MS4A8: variants seen among roughly 807,000 people sequenced by gnomAD.
MS4A8 encodes membrane spanning 4-domains A8.
MS4A8 carries 27 observed loss-of-function variants against 23.7 expected under a neutral mutation model. The ratio of observed to expected loss-of-function variants is 1.14; its 90% CI spans 0.84 to 1.57. The LOEUF (loss-of-function observed/expected upper bound fraction) is 1.57. Among genes scored for constraint, MS4A8 ranks in the 40% most tolerant of loss-of-function variants. The pLI is 0.00. For synonymous variants in MS4A8, 138 were observed against 126.3 expected (o/e 1.09, Z -0.62); for missense variants, 301 against 311.4 (o/e 0.97, Z 0.25).
At position 60,703,374 on chromosome 11, in the gene MS4A8, A is replaced by G; in HGVS notation, c.220-4A>G. On this transcript the variant is annotated splice_region_variant and splice_polypyrimidine_tract_variant and intron_variant, in intron 2 of 6. Transcript: ENST00000300226. Reference sequence around the variant, plus strand: ...AAGACTTCAGCTTGTGGCTCTCCTGACAGGCCATCCAGATCATCATTGGCC... The same window carrying G: ...AAGACTTCAGCTTGTGGCTCTCCTGGCAGGCCATCCAGATCATCATTGGCC... The G allele has an allele frequency of 6.4e-7, 1 of 1,554,588 alleles. No homozygotes were observed.
In MS4A8 at chr11:60,715,339, A is replaced by G. The variant is rs2088334750; in HGVS notation, c.678A>G (p.Ala226=). The G allele has an allele frequency of 6.2e-7, 1 of 1,613,994 alleles. No individual in the cohort carries two copies. Among genetic ancestry groups the G allele is most frequent in the Non-Finnish European group, 8.5e-7 (1 of 1,180,022 alleles). Residue 226 remains alanine, a synonymous_variant, in exon 7 of 7, where the codon GCA becomes GCG. Coordinates refer to ENST00000300226, the MANE Select transcript of MS4A8 (RefSeq NM_031457.2). ...GTGTCATCTATCCAAACATCTATGC[A>G]GCAAACCCAGTGATCACCCCAGAAC... The part of the protein sequence containing the change: ...NVSVIYPNIY[A]ANPVITPEPV...
At chr11:60,710,190 A>G (rs1369464645) in intron 5 of MS4A8, among the ~76,000 whole-genome samples, 1 of 152,076 alleles carries the variant, frequency 6.6e-6, no homozygotes, top group East Asian at 1.9e-4. Context: ...TCATTTGTCT[A>G]TCTCATTTAG....
Position 60,715,023 on chromosome 11 carries a change from C to G in MS4A8, c.537C>G (p.Asn179Lys), listed in dbSNP as rs752227539. The change falls in exon 6 of 7, where the codon AAC (asparagine) becomes AAG (lysine). Residue 179 changes from asparagine (N) to lysine (K), a missense_variant and splice_region_variant. Coordinates refer to ENST00000300226, the MANE Select transcript of MS4A8 (RefSeq NM_031457.2). ...PDYYPYAWGV[N>K]PGMAISGVLL... ...CTCCCCATCTGCTCTGCCTACAGAACCCTGGAATGGCGATTTCTGGCGTGC... is the reference window on the plus strand; with the variant it reads ...CTCCCCATCTGCTCTGCCTACAGAAGCCTGGAATGGCGATTTCTGGCGTGC... 6.2e-7 allele frequency: 1 copy of G among 1,613,272 alleles called. No individual in the cohort carries two copies. Among genetic ancestry groups the G allele is most frequent in the Non-Finnish European group, 8.5e-7 (1 of 1,179,262 alleles).
At position 60,713,927 on chromosome 11, in the gene MS4A8, T is replaced by C. The variant is rs1188293943; in HGVS notation, c.535-1094T>C. Reference sequence around the variant, plus strand: ...GATGACTCTTTTTTTTTTTTTTTTTTTTTTTTTTGAGACGGAGTCTCGCTC... The same window carrying C: ...GATGACTCTTTTTTTTTTTTTTTTTCTTTTTTTTGAGACGGAGTCTCGCTC... On this transcript the variant is annotated intron_variant, in intron 5 of 6. Transcript: ENST00000300226. 7.7e-4 allele frequency among the ~76,000 whole-genome samples: 103 copies of C among 134,030 alleles called. 3 individuals are homozygous for C. Among genetic ancestry groups the C allele is most frequent in the African/African-American group, 2.9e-3 (89 of 30,494 alleles). The allele number at this position is 134,030 out of a possible 152,430, so 87.9% of individuals were successfully genotyped here.
chr11:60,715,096 C>G lies in MS4A8; in HGVS notation c.610C>G (p.His204Asp), dbSNP rs1219833252. ...GTTTGGCATCGCATGCGCATCTTCC[C>G]ACTTTGGCTGCCAGTTGGTCTGCTG... ...LEFGIACASS[H>D]FGCQLVCCQS... is the part of the protein sequence containing the mutation. Residue 204 changes from histidine to aspartate, a missense_variant, in exon 6 of 7, where the codon CAC becomes GAC. Physicochemically the swap from His to Asp is moderately conservative, Grantham distance 81 (BLOSUM62 -1). Transcript: ENST00000300226. 6.2e-7 allele frequency: 1 copy of G among 1,614,096 alleles called. No individual in the cohort carries two copies. Among genetic ancestry groups the G allele is most frequent in the Non-Finnish European group, 8.5e-7 (1 of 1,179,998 alleles).
intron 3 of MS4A8, among the ~76,000 whole-genome samples, chr11:60,703,979 T>A (rs1408563708): frequency 6.6e-6 from 1 of 152,130 alleles, no homozygotes; most frequent in Non-Finnish European, 1.5e-5. Flanking sequence ...ACAGTCAGAT[T>A]CTGGAGCACT....
rs1417245840 is a variant in MS4A8, at chr11:60,715,650, A to G, written c.*236A>G. ...AAGAGGGACTCCCTAGGGCACATGCATCAGCACATATGTGGGCATCCAGCC... is the reference window on the plus strand; with the variant it reads ...AAGAGGGACTCCCTAGGGCACATGCGTCAGCACATATGTGGGCATCCAGCC... On this transcript the variant is annotated 3_prime_UTR_variant, in exon 7 of 7. Coordinates refer to ENST00000300226, the MANE Select transcript of MS4A8 (RefSeq NM_031457.2). 2.5e-5 allele frequency: 13 copies of G among 514,522 alleles called. No individual in the cohort carries two copies. The highest frequency in any genetic ancestry group is 2.4e-4 in the South Asian group (11 of 46,698). 31.9% of individuals were successfully genotyped at this position (514,522 alleles called of 1,614,324 possible).
intron 5 of MS4A8, among the ~76,000 whole-genome samples, chr11:60,709,668 G>A (rs1256832405): frequency 3.3e-5 from 5 of 152,168 alleles, no homozygotes; most frequent in African/African-American, 4.8e-5. Flanking sequence ...TGTGTCCCAC[G>A]TAAATTCAAT....
intron 5 of MS4A8, among the ~76,000 whole-genome samples, chr11:60,713,698 T>G (rs961713180): frequency 6.6e-6 from 1 of 152,026 alleles, no homozygotes; most frequent in Non-Finnish European, 1.5e-5. Flanking sequence ...TTACTAATCC[T>G]CCTCAGCACA....
At chr11:60,711,975 C>T (rs1474017240) in intron 5 of MS4A8, 11 of 270,776 alleles carry the variant, frequency 4.1e-5, no homozygotes, top group African/African-American at 1.6e-4. Flanking sequence ...GGAGATACTC[C>T]GGGGTTTCCA....
rs1031354406 is a variant in MS4A8 at position 60,713,730 on chromosome 11, TG to T, written c.535-1286del. ...CACAGACCCTTTACGGGTGTTGGGC[TG>T]GGGGACGGTCAGGTCTTTCCCATCC... is the stretch of plus-strand genomic sequence containing the variant. On this transcript the variant is annotated intron_variant, in intron 5 of 6. Coordinates refer to ENST00000300226, the MANE Select transcript of MS4A8 (RefSeq NM_031457.2). 8.5e-5 allele frequency among the ~76,000 whole-genome samples: 13 copies of T among 152,160 alleles called. No individual in the cohort carries two copies. In the East Asian group the frequency reaches 2.1e-3, roughly 25 times the overall value.
chr11:60,708,626 C>G, intron 4 of MS4A8, 24 bp from the exon 5 acceptor site: 2 of 1,495,338 alleles, frequency 1.3e-6, no homozygotes, highest in Non-Finnish European at 1.8e-6. Flanking sequence ...TCTCGCCCAT[C>G]CTGACCCTCT....
chr11:60,708,502 G>T, intron 4 of MS4A8, 148 bp from the exon 5 acceptor site: 1 of 738,486 alleles, frequency 1.4e-6, no homozygotes, highest in Non-Finnish European at 2.0e-6. Flanking sequence ...TGTAACACTT[G>T]AAAATGATTA....
At chr11:60,706,888 C>A in intron 3 of MS4A8, 100 bp from the exon 4 acceptor site, 1 of 993,090 alleles carries the variant, frequency 1.0e-6, no homozygotes, top group South Asian at 1.3e-5. Context: ...GCTGATGGTT[C>A]CAGCAAAGGT....
At chr11:60,711,182 C>T (rs1332632540) in intron 5 of MS4A8, among the ~76,000 whole-genome samples, 1 of 152,176 alleles carries the variant, frequency 6.6e-6, no homozygotes, top group East Asian at 1.9e-4. Flanking sequence ...CCTCAAATAC[C>T]TAGAACTGTG....
rs1361738870 is a variant in MS4A8, at chr11:60,701,268, G to T, written c.219+189G>T. On this transcript the variant is annotated intron_variant, in intron 2 of 6. Transcript: ENST00000300226. ...CACAGGCGGCCTCTGCTCAGACCTT[G>T]TATTTTCTGATTTAGGCATTTTCGG... 3 of 701,008 alleles carry T rather than the reference G, an allele frequency of 4.3e-6. No individual in the cohort carries two copies. The East Asian group carries it at 8.2e-5, about 19-fold the overall frequency. The allele number at this position is 701,008 out of a possible 1,614,324, so 43.4% of individuals were successfully genotyped here. A position where few individuals can be genotyped will look rare whatever the true frequency, so the allele number is the denominator to read the frequency against.
At chr11:60,701,454 C>T (rs1319482980) in intron 2 of MS4A8, 3 of 382,098 alleles carry the variant, frequency 7.9e-6, no homozygotes, top group Admixed American at 7.0e-5. Context: ...CAAATATTTG[C>T]CCAACAGGAA....
intron 5 of MS4A8, chr11:60,712,127 C>A: frequency 3.7e-6 from 1 of 267,548 alleles, no homozygotes; most frequent in South Asian, 4.0e-5. Context: ...CCATTCTACT[C>A]TAAGTCTCTG....
intron 5 of MS4A8, among the ~76,000 whole-genome samples, chr11:60,712,922 G>A (rs2088311832): frequency 6.6e-6 from 1 of 152,162 alleles, no homozygotes; most frequent in African/African-American, 2.4e-5. Context: ...GAGTCTCCTG[G>A]ATGGACCTTT....
Sources: gnomAD v4.1 joint callset for allele counts (sites outside exome capture counted in the v4.1 genomes callset) on GRCh38, gnomAD v4.1.1 for gene constraint, MANE v1.5 for transcripts, NCBI Gene and HGNC (gene_info 2026-07-23, HGNC 2026-07-21) for gene names.